Variants in AFG2A observed in about 807,000 individuals in gnomAD.
The protein encoded by AFG2A is AAA ATPase AFG2A, also known as ATPase family gene 2 protein homolog A.
chr4:123,177,678 G>T, the AFG2A span, among the ~76,000 whole-genome samples: 1 of 152,134 alleles, frequency 6.6e-6, no homozygotes, highest in Non-Finnish European at 1.5e-5. Context: ...TTTAATTTAG[G>T]AAAGAAGAAA....
the AFG2A span, among the ~76,000 whole-genome samples, chr4:123,150,939 G>A: frequency 6.6e-6 from 1 of 152,128 alleles, no homozygotes; most frequent in Non-Finnish European, 1.5e-5. Context: ...CAATGAAACA[G>A]AACAGAGGCC....
At chr4:123,040,337 A>T in the AFG2A span, among the ~76,000 whole-genome samples, 1 of 152,202 alleles carries the variant, frequency 6.6e-6, no homozygotes, top group East Asian at 1.9e-4. Context: ...CTTTCAAATT[A>T]TATGAGATTA....
the AFG2A span, among the ~76,000 whole-genome samples, chr4:123,259,421 C>T: frequency 2.0e-5 from 3 of 152,080 alleles, no homozygotes; most frequent in East Asian, 3.9e-4. Flanking sequence ...GGAATACAGC[C>T]GTTAGGGAGC....
At chr4:123,227,762 TC>T in the AFG2A span, among the ~76,000 whole-genome samples, 1 of 152,178 alleles carries the variant, frequency 6.6e-6, no homozygotes, top group Non-Finnish European at 1.5e-5. Context: ...TTCCTGGGTA[TC>T]CTTGTTAACT....
At chr4:123,011,361 C>A in the AFG2A span, among the ~76,000 whole-genome samples, 2 of 152,276 alleles carry the variant, frequency 1.3e-5, no homozygotes, top group South Asian at 4.1e-4. Context: ...CAAAGGAAAT[C>A]AGAGAAAATG....
the AFG2A span, among the ~76,000 whole-genome samples, chr4:123,092,260 A>G: frequency 8.5e-5 from 13 of 152,212 alleles, no homozygotes; most frequent in Non-Finnish European, 1.5e-4. Context: ...GGTTTCACAA[A>G]TAAAGGGTGC....
the AFG2A span, chr4:122,979,146 A>C: frequency 6.8e-7 from 1 of 1,479,252 alleles, no homozygotes; most frequent in Non-Finnish European, 9.1e-7. Context: ...CACTGTTGCC[A>C]CTCCAGATGG....
chr4:122,934,048 TG>T, the AFG2A span: 1 of 1,499,646 alleles, frequency 6.7e-7, no homozygotes, highest in Non-Finnish European at 8.9e-7. Context: ...AACATTAAAC[TG>T]GTAAAAAAAA....
the AFG2A span, among the ~76,000 whole-genome samples, chr4:123,128,841 C>A: frequency 2.0e-5 from 3 of 152,064 alleles, no homozygotes; most frequent in South Asian, 4.1e-4. Flanking sequence ...ATCATTATTA[C>A]TTACAGTGAT....
At chr4:123,222,074 G>A in the AFG2A span, among the ~76,000 whole-genome samples, 1 of 152,166 alleles carries the variant, frequency 6.6e-6, no homozygotes, top group Non-Finnish European at 1.5e-5. Context: ...GAACTAAAAT[G>A]TTCTGGGGTC....
chr4:122,985,915 A>G, the AFG2A span, among the ~76,000 whole-genome samples: 2 of 151,760 alleles, frequency 1.3e-5, no homozygotes, highest in South Asian at 2.1e-4. Context: ...GCTTTGGGCT[A>G]TGAACTTTCC....
the AFG2A span, among the ~76,000 whole-genome samples, chr4:123,108,579 A>T: frequency 6.6e-6 from 1 of 152,162 alleles, no homozygotes; most frequent in Non-Finnish European, 1.5e-5. Flanking sequence ...AGACTTAGTC[A>T]GAGGTATGTT....
At chr4:123,048,812 C>G in the AFG2A span, among the ~76,000 whole-genome samples, 1 of 152,142 alleles carries the variant, frequency 6.6e-6, no homozygotes, top group African/African-American at 2.4e-5. Flanking sequence ...CATCTGCAAA[C>G]AAGCACAATT....
the AFG2A span, among the ~76,000 whole-genome samples, chr4:122,964,847 A>C: frequency 5.3e-5 from 8 of 152,182 alleles, no homozygotes; most frequent in East Asian, 1.5e-3. Context: ...GATTTTTTAA[A>C]AATTTATTTA....
chr4:123,201,621 A>T, the AFG2A span, among the ~76,000 whole-genome samples: 1 of 152,148 alleles, frequency 6.6e-6, no homozygotes, highest in African/African-American at 2.4e-5. Context: ...AAGTTATCTT[A>T]AAAAAATGAA....
chr4:122,990,569 A>T, the AFG2A span, among the ~76,000 whole-genome samples: 1 of 152,220 alleles, frequency 6.6e-6, no homozygotes, highest in Non-Finnish European at 1.5e-5. Flanking sequence ...ATGTGGAATG[A>T]TAAGGATTTG....
At chr4:123,117,199 G>C in the AFG2A span, among the ~76,000 whole-genome samples, 3 of 152,054 alleles carry the variant, frequency 2.0e-5, no homozygotes, top group African/African-American at 7.2e-5. Context: ...GTCTTTGATT[G>C]CTGAACTTCA....
At chr4:123,101,720 A>C in the AFG2A span, among the ~76,000 whole-genome samples, 2 of 151,842 alleles carry the variant, frequency 1.3e-5, no homozygotes, top group African/African-American at 4.8e-5. Flanking sequence ...ATTTTTTGAG[A>C]GTGCACAACA....
the AFG2A span, among the ~76,000 whole-genome samples, chr4:123,295,561 TG>T: frequency 1.3e-5 from 2 of 152,192 alleles, no homozygotes; most frequent in African/African-American, 2.4e-5. Flanking sequence ...AATTGTTAAG[TG>T]AAAAAGACAA....
Sources: allele counts gnomAD v4.1 joint callset (sites outside exome capture counted in the v4.1 genomes callset), GRCh38; gene constraint gnomAD v4.1.1; transcripts MANE v1.5; gene names NCBI Gene and HGNC (gene_info 2026-07-23, HGNC 2026-07-21).